Variants in SEC24D observed in about 807,000 individuals in gnomAD.
SEC24D encodes the protein SEC24 homolog D, COPII component.
Under a neutral mutation model 116.9 loss-of-function variants are expected in SEC24D, and 69 were observed. The ratio of observed to expected loss-of-function variants is 0.59; its 90% CI spans 0.49 to 0.72. The LOEUF is 0.72. Among genes scored for constraint, SEC24D ranks in the 30% least tolerant of loss-of-function variants. The pLI is 0.00. For missense variants in SEC24D, 1,131 were observed against 1,264.1 expected, an observed-to-expected ratio of 0.89 and a Z score of 1.60; for synonymous variants, 405 against 442.8, an observed-to-expected ratio of 0.91 and a Z score of 1.07.
At position 118,779,012 on chromosome 4, in the gene SEC24D, T is replaced by TA. The variant is rs913300967; in HGVS notation, c.1042-10702dup. 2.0e-5 allele frequency among the ~76,000 whole-genome samples: 3 copies of TA among 152,330 alleles called. 1 individual carries two copies. The highest frequency in any genetic ancestry group is 3.9e-4 in the East Asian group (2 of 5,184). ...TTAAGGAGATTTGGGGCTGAAATGA[T>TA]AGAGTTTTCTAAATATACAATCATG... On this transcript the variant is annotated intron_variant, in intron 8 of 22. Coordinates refer to ENST00000280551, the MANE Select transcript of SEC24D (RefSeq NM_014822.4).
At position 118,815,449 on chromosome 4, in the gene SEC24D, A is replaced by C. The variant is rs1730099972; in HGVS notation, c.673+2T>G. 1.2e-6 allele frequency: 2 copies of C among 1,613,854 alleles called. No individual in the cohort carries two copies. Among genetic ancestry groups the C allele is most frequent in the South Asian group, 1.1e-5 (1 of 91,074 alleles). On this transcript the variant is annotated splice_donor_variant, in intron 5 of 22. Coordinates refer to ENST00000280551, the MANE Select transcript of SEC24D (RefSeq NM_014822.4). LOFTEE classifies it high-confidence loss of function. ...CCTTCCCCTGCACCCTGTCCGCCTT[A>C]CCCTGCTGCGGAGGATATCCAGCAC...
intron 3 of SEC24D, 32 bp downstream of exon 3, chr4:118,824,588 T>C (rs762674700): frequency 6.3e-7 from 1 of 1,588,770 alleles, no homozygotes; most frequent in Admixed American, 1.9e-5. Flanking sequence ...TAGGAGAATA[T>C]ACAAACGAAG....
chr4:118,777,120 T>TTTATTTA (rs1728172790), intron 8 of SEC24D, among the ~76,000 whole-genome samples: 1 of 151,832 alleles, frequency 6.6e-6, no homozygotes, highest in Non-Finnish European at 1.5e-5. Flanking sequence ...TATTTATTTA[T>TTTATTTA]TTATTTTTAT....
At chr4:118,775,027 A>C (rs1728066780) in intron 8 of SEC24D, among the ~76,000 whole-genome samples, 1 of 152,184 alleles carries the variant, frequency 6.6e-6, no homozygotes, top group Non-Finnish European at 1.5e-5. Context: ...CTGGCCCCTC[A>C]AGATCATTTC....
chr4:118,822,102 C>G (rs1730425887), intron 3 of SEC24D, among the ~76,000 whole-genome samples: 1 of 152,158 alleles, frequency 6.6e-6, no homozygotes. Context: ...TTTTCAGATC[C>G]AATGGAAATG....
At chr4:118,785,068 A>G (rs567393967) in intron 8 of SEC24D, among the ~76,000 whole-genome samples, 3 of 152,246 alleles carry the variant, frequency 2.0e-5, no homozygotes, top group African/African-American at 7.2e-5. Context: ...AGACACTAGG[A>G]TAAAGAGATG....
chr4:118,835,406 T>G (rs1190315218), intron 1 of SEC24D, among the ~76,000 whole-genome samples: 2 of 152,012 alleles, frequency 1.3e-5, no homozygotes, highest in Non-Finnish European at 2.9e-5. Context: ...AGGCCTAGGA[T>G]CAAAATCTGG....
At chr4:118,827,503 G>C (rs1280308124) in intron 2 of SEC24D, among the ~76,000 whole-genome samples, 3 of 152,334 alleles carry the variant, frequency 2.0e-5, no homozygotes, top group African/African-American at 7.2e-5. Flanking sequence ...CCATGGACCA[G>C]TAAACACAAC....
intron 22 of SEC24D, among the ~76,000 whole-genome samples, chr4:118,724,426 T>C (rs1027777515): frequency 2.8e-4 from 43 of 152,298 alleles, no homozygotes; most frequent in African/African-American, 9.1e-4. Flanking sequence ...AAGATTTCTA[T>C]ATTTTCTATA....
intron 8 of SEC24D, among the ~76,000 whole-genome samples, chr4:118,785,925 A>G (rs1728649633): frequency 6.6e-6 from 1 of 152,212 alleles, no homozygotes; most frequent in African/African-American, 2.4e-5. Flanking sequence ...CAAAATCAAG[A>G]TAAGATTAAA....
intron 8 of SEC24D, among the ~76,000 whole-genome samples, chr4:118,775,345 C>CGAA (rs1728083222): frequency 1.7e-5 from 2 of 114,530 alleles, no homozygotes; most frequent in Admixed American, 9.2e-5. Context: ...AGCAAAAGGT[C>CGAA]AAAAAAAAAA....
chr4:118,783,117 T>C (rs1022768608), intron 8 of SEC24D, among the ~76,000 whole-genome samples: 1 of 152,180 alleles, frequency 6.6e-6, no homozygotes, highest in African/African-American at 2.4e-5. Context: ...GCACCCACTG[T>C]CCAACCAGTC....
intron 7 of SEC24D, among the ~76,000 whole-genome samples, chr4:118,802,706 T>C (rs1729496405): frequency 6.6e-6 from 1 of 152,142 alleles, no homozygotes; most frequent in Admixed American, 6.5e-5. Flanking sequence ...ACTCTTTCCA[T>C]ACTATACGAT....
At chr4:118,729,032 G>T (rs868080085) in intron 21 of SEC24D, 16 of 161,706 alleles carry the variant, frequency 9.9e-5, no homozygotes, top group South Asian at 5.4e-4. Context: ...TGGATTTTGG[G>T]TTTTTTTTGT....
intron 7 of SEC24D, among the ~76,000 whole-genome samples, chr4:118,798,053 G>A (rs1032793203): frequency 1.3e-5 from 2 of 152,066 alleles, no homozygotes; most frequent in South Asian, 2.1e-4. Flanking sequence ...TATAAAAGAA[G>A]TATCTTAGTT....
At chr4:118,791,470 A>C (rs1728891700) in intron 8 of SEC24D, among the ~76,000 whole-genome samples, 1 of 152,156 alleles carries the variant, frequency 6.6e-6, no homozygotes, top group Admixed American at 6.5e-5. Context: ...AAGTAGGTTA[A>C]TGTGATAATT....
chr4:118,776,153 AAGGG>A (rs1728122719), intron 8 of SEC24D, among the ~76,000 whole-genome samples: 2 of 152,000 alleles, frequency 1.3e-5, no homozygotes, highest in Non-Finnish European at 2.9e-5. Context: ...GGGGAGTGGA[AAGGG>A]AGGGAGACAG....
At chr4:118,820,021 A>G (rs545987058) in intron 3 of SEC24D, among the ~76,000 whole-genome samples, 100 of 152,306 alleles carry the variant, frequency 6.6e-4, no homozygotes, top group African/African-American at 2.4e-3. Context: ...CAACTTAAAT[A>G]TGGTAAGTCT....
At chr4:118,764,482 T>C (rs1727540908) in intron 10 of SEC24D, 1 of 169,724 alleles carries the variant, frequency 5.9e-6, no homozygotes, top group Non-Finnish European at 1.3e-5. Context: ...CTTTACAAAA[T>C]AAGGGAGGCA....
Sources: gnomAD v4.1 joint callset for allele counts (sites outside exome capture counted in the v4.1 genomes callset) on GRCh38, gnomAD v4.1.1 for gene constraint, MANE v1.5 for transcripts, NCBI Gene and HGNC (gene_info 2026-07-23, HGNC 2026-07-21) for gene names.